Variants in MIPOL1 observed in about 807,000 individuals in gnomAD.
MIPOL1 encodes mirror-image polydactyly gene 1 protein.
MIPOL1 carries 57 observed loss-of-function variants against 60.9 expected under a neutral mutation model. That is an observed-to-expected ratio of 0.94 (90% CI 0.76 to 1.17). The LOEUF (loss-of-function observed/expected upper bound fraction) is 1.17. Ranked by LOEUF, MIPOL1 falls within the 50% of genes most tolerant of loss-of-function variation. The pLI is 0.00. For missense variants in MIPOL1, 551 were observed against 511.6 expected, an observed-to-expected ratio of 1.08 and a Z score of -0.74; for synonymous variants, 179 against 168.8, an observed-to-expected ratio of 1.06 and a Z score of -0.47.
chr14:37,257,647 G>C (rs1975185502), intron 3 of MIPOL1, among the ~76,000 whole-genome samples: 1 of 152,094 alleles, frequency 6.6e-6, no homozygotes, highest in Non-Finnish European at 1.5e-5. Context: ...TCTACCAACA[G>C]ATTAAATGGC....
intron 10 of MIPOL1, among the ~76,000 whole-genome samples, chr14:37,394,082 A>C (rs867437852): frequency 8.8e-5 from 12 of 136,332 alleles, no homozygotes; most frequent in African/African-American, 2.5e-4. Flanking sequence ...ATATATATAT[A>C]TATCTCCATG....
intron 1 of MIPOL1, among the ~76,000 whole-genome samples, chr14:37,228,226 C>T (rs1970054098): frequency 1.3e-5 from 2 of 152,086 alleles, no homozygotes; most frequent in South Asian, 4.1e-4. Context: ...CCAGTGTCTA[C>T]CTTTCACCTG....
At chr14:37,363,190 A>C (rs911150586) in intron 9 of MIPOL1, among the ~76,000 whole-genome samples, 32 of 152,132 alleles carry the variant, frequency 2.1e-4, no homozygotes, top group Non-Finnish European at 4.3e-4. Flanking sequence ...AAGAAGAGGC[A>C]CTCTGGTTTT....
At chr14:37,520,402 T>G (rs1200094721) in intron 12 of MIPOL1, among the ~76,000 whole-genome samples, 1 of 152,178 alleles carries the variant, frequency 6.6e-6, no homozygotes. Context: ...CCTAAAGCCC[T>G]ATGAAAACAA....
chr14:37,515,746 A>G (rs545702757), intron 12 of MIPOL1, among the ~76,000 whole-genome samples: 1 of 139,536 alleles, frequency 7.2e-6, no homozygotes, highest in Admixed American at 7.6e-5. Context: ...TCCCAGAATG[A>G]TGGGAGTAGC....
chr14:37,342,231 G>A (rs2090622056), intron 9 of MIPOL1, among the ~76,000 whole-genome samples: 1 of 151,790 alleles, frequency 6.6e-6, no homozygotes, highest in South Asian at 2.1e-4. Context: ...GCACGGTGGT[G>A]TGTGCCCCCC....
At chr14:37,421,114 G>T (rs747857867) in intron 10 of MIPOL1, among the ~76,000 whole-genome samples, 102 of 152,210 alleles carry the variant, frequency 6.7e-4, no homozygotes, top group Middle Eastern at 3.4e-3. Context: ...AGTACCTTAA[G>T]CATGGGAATT....
At chr14:37,381,749 A>ATTTTTT (rs71127215) in intron 10 of MIPOL1, among the ~76,000 whole-genome samples, 1 of 146,006 alleles carries the variant, frequency 6.8e-6, no homozygotes, top group Non-Finnish European at 1.5e-5. Flanking sequence ...TGCCCTGCTA[A>ATTTTTT]TTTTTTTTTT....
chr14:37,342,579 G>T (rs2090649836), intron 9 of MIPOL1, among the ~76,000 whole-genome samples: 2 of 151,830 alleles, frequency 1.3e-5, no homozygotes, highest in African/African-American at 4.8e-5. Flanking sequence ...TGTATTTTTA[G>T]TAGAGACAGG....
rs1047408841 is a variant in MIPOL1, at chr14:37,310,237, A to C, written c.828+1718A>C. Among the ~76,000 whole-genome samples the C allele has an allele frequency of 7.9e-5, 12 of 152,282 alleles. No individual in the cohort carries two copies. The South Asian group carries it at 1.0e-3, about 13-fold the overall frequency. On this transcript the variant is annotated intron_variant, in intron 9 of 12. Transcript: ENST00000684589. ...CTTCACAGCTTTGTAAGGCAGGAGA[A>C]AAATCACACAAATTTACTGACTGTA... is the stretch of plus-strand genomic sequence containing the variant.
intron 9 of MIPOL1, among the ~76,000 whole-genome samples, chr14:37,338,138 G>A (rs1444403307): frequency 3.0e-4 from 40 of 132,442 alleles, no homozygotes; most frequent in African/African-American, 6.3e-4. Flanking sequence ...ACGGAGTCTC[G>A]CTCTGTCGCC....
intron 9 of MIPOL1, among the ~76,000 whole-genome samples, chr14:37,330,738 A>G (rs2089608961): frequency 7.9e-6 from 1 of 126,720 alleles, no homozygotes; most frequent in South Asian, 2.4e-4. Flanking sequence ...ACCTGTTTAG[A>G]TTACTTCCTC....
At chr14:37,357,031 C>A (rs545995081) in intron 9 of MIPOL1, among the ~76,000 whole-genome samples, 2 of 152,230 alleles carry the variant, frequency 1.3e-5, no homozygotes, top group East Asian at 3.9e-4. Context: ...AGGGTGCTTC[C>A]AAATATTGGC....
At position 37,250,160 on chromosome 14, in the gene MIPOL1, C is replaced by T. The variant is rs536146953; in HGVS notation, c.19+2253C>T. Among the ~76,000 whole-genome samples the T allele has an allele frequency of 1.2e-4, 18 of 152,242 alleles. No individual in the cohort carries two copies. In the East Asian group the frequency reaches 3.3e-3, roughly 28 times the overall value. On this transcript the variant is annotated intron_variant, in intron 3 of 12. Transcript: ENST00000684589. The stretch of plus-strand genomic sequence containing the variant: ...CAGTTTACAGCAGACATGACTGATA[C>T]AGCATTAGGAAAATCTACATTTTTA...
chr14:37,523,840 A>G (rs1184753162), intron 12 of MIPOL1, among the ~76,000 whole-genome samples: 1 of 152,182 alleles, frequency 6.6e-6, no homozygotes, highest in Non-Finnish European at 1.5e-5. Context: ...TAGGAATGCT[A>G]GGAAAGTATA....
At chr14:37,314,593 A>G (rs2087681084) in intron 9 of MIPOL1, among the ~76,000 whole-genome samples, 1 of 152,148 alleles carries the variant, frequency 6.6e-6, no homozygotes, top group African/African-American at 2.4e-5. Flanking sequence ...GCCATTTTAA[A>G]TATCATCTCT....
Position 37,348,983 on chromosome 14 carries a change from CTTTTTTTTTTT to C in MIPOL1, c.829-20521_829-20511del, listed in dbSNP as rs11347957. ...GCGGTGCCACCATGCCCAGCTAATT[CTTTTTTTTTTT>C]TTTTTTTTTTTTGAGATGGAGTTTC... On this transcript the variant is annotated intron_variant, in intron 9 of 12. Transcript: ENST00000684589. 4.2e-4 allele frequency among the ~76,000 whole-genome samples: 31 copies of C among 74,144 alleles called. No homozygotes were observed. The South Asian group carries it at 7.1e-3, about 17-fold the overall frequency. The allele number at this position is 74,144 out of a possible 152,430, so 48.6% of individuals were successfully genotyped here.
At chr14:37,492,121 C>T (rs948985731) in intron 11 of MIPOL1, among the ~76,000 whole-genome samples, 1 of 152,180 alleles carries the variant, frequency 6.6e-6, no homozygotes, top group Non-Finnish European at 1.5e-5. Context: ...ATATTACAAG[C>T]ATGAGCCACC....
chr14:37,406,746 T>G (rs1273062655), intron 10 of MIPOL1, among the ~76,000 whole-genome samples: 1 of 152,134 alleles, frequency 6.6e-6, no homozygotes, highest in African/African-American at 2.4e-5. Context: ...TTCAATAATT[T>G]AATAGATATT....
Sources: gnomAD v4.1 joint callset for allele counts (sites outside exome capture counted in the v4.1 genomes callset) on GRCh38, gnomAD v4.1.1 for gene constraint, MANE v1.5 for transcripts, NCBI Gene and HGNC (gene_info 2026-07-23, HGNC 2026-07-21) for gene names.